The following MAD1L1 variants were observed in gnomAD, a reference collection of about 807,000 sequenced individuals.
MAD1L1 encodes mitotic arrest deficient 1 like 1.
Under a neutral mutation model 96.9 loss-of-function variants are expected in MAD1L1, and 95 were observed. The ratio of observed to expected loss-of-function variants is 0.98; its 90% CI spans 0.83 to 1.16. The LOEUF (loss-of-function observed/expected upper bound fraction) is 1.16, where lower values mean the gene tolerates loss of function less well. Ranked by LOEUF, MAD1L1 falls within the 50% of genes most tolerant of loss-of-function variation. MAD1L1 has a pLI of 0.00. For missense variants in MAD1L1, 1,007 were observed against 954.4 expected, an observed-to-expected ratio of 1.06 and a Z score of -0.73; for synonymous variants, 473 against 396.6, an observed-to-expected ratio of 1.19 and a Z score of -2.29.
intron 15 of MAD1L1, among the ~76,000 whole-genome samples, chr7:1,965,962 G>GCATCC (rs1449902076): frequency 6.6e-6 from 1 of 152,256 alleles, no homozygotes; most frequent in Non-Finnish European, 1.5e-5. Context: ...GAGTTGGGGG[G>GCATCC]CATCCCTGGG....
chr7:2,174,858 T>C (rs1451432315), intron 10 of MAD1L1, among the ~76,000 whole-genome samples: 1 of 152,246 alleles, frequency 6.6e-6, no homozygotes, highest in African/African-American at 2.4e-5. Flanking sequence ...TTTTTCTGTT[T>C]GCTTGGTCTA....
At chr7:1,838,934 G>T in intron 18 of MAD1L1, 3 of 429,530 alleles carry the variant, frequency 7.0e-6, no homozygotes, top group Non-Finnish European at 1.5e-5. Context: ...AGGACAGAGT[G>T]TGCAAAGACA....
intron 18 of MAD1L1, among the ~76,000 whole-genome samples, chr7:1,864,842 T>A (rs1784705777): frequency 6.6e-6 from 1 of 151,920 alleles, no homozygotes; most frequent in Admixed American, 6.6e-5. Flanking sequence ...ACACAACAGC[T>A]CCCCTCGACT....
rs146309617 is a variant in MAD1L1 at position 1,977,446 on chromosome 7, G to A, written c.1505+3007C>T. On this transcript the variant is annotated intron_variant, in intron 15 of 18. Transcript: ENST00000265854. ...CCAAGCCCACGCCCACCCAGAACTC[G>A]CACTGGCCTGTGAGCACCACGCACG... Among the ~76,000 whole-genome samples, 71 of 152,314 alleles carry A rather than the reference G, an allele frequency of 4.7e-4. No homozygotes were observed. In the South Asian group the frequency reaches 9.3e-3, roughly 20 times the overall value.
At chr7:1,842,601 G>A (rs1783334490) in intron 18 of MAD1L1, among the ~76,000 whole-genome samples, 1 of 152,266 alleles carries the variant, frequency 6.6e-6, no homozygotes, top group Non-Finnish European at 1.5e-5. Context: ...CCCCGGCGAG[G>A]GACAGACAGC....
At position 2,217,685 on chromosome 7, in the gene MAD1L1, C is replaced by T. The variant is rs151276878; in HGVS notation, c.678+277G>A. On this transcript the variant is annotated intron_variant, in intron 7 of 18. Coordinates refer to ENST00000265854, the MANE Select transcript of MAD1L1 (RefSeq NM_001013836.2). Reference sequence around the variant, plus strand: ...TCTCTATGCCTGTAGCATCTTCTCACGCTCATCAGCACTTGACGTCATCAC... The same window carrying T: ...TCTCTATGCCTGTAGCATCTTCTCATGCTCATCAGCACTTGACGTCATCAC... Among the ~76,000 whole-genome samples the T allele has an allele frequency of 1.7e-4, 26 of 152,352 alleles. No individual in the cohort carries two copies. The East Asian group carries it at 4.4e-3, about 26-fold the overall frequency.
intron 18 of MAD1L1, among the ~76,000 whole-genome samples, chr7:1,890,184 G>T (rs1280447015): frequency 6.6e-6 from 1 of 152,250 alleles, no homozygotes; most frequent in African/African-American, 2.4e-5. Context: ...CTCACCCCAG[G>T]ACCACGTGTT....
intron 11 of MAD1L1, among the ~76,000 whole-genome samples, chr7:2,081,215 G>A (rs1020411406): frequency 1.3e-5 from 2 of 152,152 alleles, no homozygotes; most frequent in African/African-American, 4.8e-5. Flanking sequence ...GAGGTGGGGA[G>A]GCTCTGAGCC....
intron 13 of MAD1L1, among the ~76,000 whole-genome samples, chr7:2,013,502 G>A (rs1782393604): frequency 1.3e-5 from 2 of 152,372 alleles, no homozygotes; most frequent in East Asian, 3.9e-4. Context: ...GACGCCCCCA[G>A]GCCTGGGTTT....
chr7:1,952,640 C>T (rs1239736324), intron 16 of MAD1L1, among the ~76,000 whole-genome samples: 2 of 152,164 alleles, frequency 1.3e-5, no homozygotes, highest in Non-Finnish European at 2.9e-5. Flanking sequence ...GCATGGAGTC[C>T]CATGGGCCCT....
At chr7:1,864,266 G>C (rs1784668233) in intron 18 of MAD1L1, among the ~76,000 whole-genome samples, 1 of 152,202 alleles carries the variant, frequency 6.6e-6, no homozygotes, top group South Asian at 2.1e-4. Context: ...TGAAGGAGGA[G>C]GGGAGGCGGC....
Position 1,848,242 on chromosome 7 carries a change from A to G in MAD1L1, c.1999-32014T>C, listed in dbSNP as rs537371967. Reference sequence around the variant, plus strand: ...CAAGCAAGCAGCCCGTGCTGGAAGCATCACCACCACCGGCCCCAGCAAAGG... The same window carrying G: ...CAAGCAAGCAGCCCGTGCTGGAAGCGTCACCACCACCGGCCCCAGCAAAGG... On this transcript the variant is annotated intron_variant, in intron 18 of 18. Transcript: ENST00000265854. 2.9e-5 allele frequency: 5 copies of G among 174,350 alleles called. No homozygotes were observed. The East Asian group carries it at 8.2e-4, about 29-fold the overall frequency. The allele number at this position is 174,350 out of a possible 1,614,324, so 10.8% of individuals were successfully genotyped here.
At chr7:2,068,872 C>T (rs1784998557) in intron 12 of MAD1L1, among the ~76,000 whole-genome samples, 1 of 152,210 alleles carries the variant, frequency 6.6e-6, no homozygotes, top group Non-Finnish European at 1.5e-5. Context: ...AGGGTGCTGA[C>T]TGCAAGGCAC....
At chr7:2,158,249 G>A (rs1789936067) in intron 10 of MAD1L1, among the ~76,000 whole-genome samples, 1 of 152,240 alleles carries the variant, frequency 6.6e-6, no homozygotes, top group Admixed American at 6.5e-5. Context: ...GGCGAGAGCA[G>A]CTCCAGCCCA....
chr7:2,043,686 A>C (rs1783793911), intron 12 of MAD1L1, among the ~76,000 whole-genome samples: 1 of 152,176 alleles, frequency 6.6e-6, no homozygotes, highest in African/African-American at 2.4e-5. Flanking sequence ...GTTTCCCACC[A>C]CAAACAGCCC....
At position 2,149,214 on chromosome 7, in the gene MAD1L1, G is replaced by A. The variant is rs369332624; in HGVS notation, c.1011C>T (p.Phe337=). ...GCTCCCTCTGCTGCAGCTCAACCAC[G>A]AATCTGGAAAGGTCTTCTGGAGTCC... ...SIRTPEDLSR[F]VVELQQRELA... The change falls in exon 11 of 19, where the codon TTC becomes TTT. Residue 337 remains phenylalanine, a synonymous_variant. Coordinates refer to ENST00000265854, the MANE Select transcript of MAD1L1 (RefSeq NM_001013836.2). 75 of 1,614,002 alleles carry A rather than the reference G, an allele frequency of 4.6e-5. No individual in the cohort carries two copies. The highest frequency in any genetic ancestry group is 1.6e-4 in the Middle Eastern group (1 of 6,062).
intron 15 of MAD1L1, among the ~76,000 whole-genome samples, chr7:1,975,560 T>C (rs1200005568): frequency 1.3e-5 from 2 of 152,196 alleles, no homozygotes; most frequent in South Asian, 2.1e-4. Flanking sequence ...GTTACCTCTA[T>C]GTAGTTTCAT....
At chr7:2,027,882 G>A (rs1297734453) in intron 12 of MAD1L1, among the ~76,000 whole-genome samples, 1 of 152,154 alleles carries the variant, frequency 6.6e-6, no homozygotes, top group African/African-American at 2.4e-5. Context: ...GGCATGAAAG[G>A]TACGAAGATC....
chr7:1,933,358 T>C (rs1333960669), intron 17 of MAD1L1, among the ~76,000 whole-genome samples: 1 of 152,154 alleles, frequency 6.6e-6, no homozygotes, highest in Non-Finnish European at 1.5e-5. Flanking sequence ...CAGGGAGGTC[T>C]TTCCACCATA....
Sources: allele counts gnomAD v4.1 joint callset (sites outside exome capture counted in the v4.1 genomes callset), GRCh38; gene constraint gnomAD v4.1.1; transcripts MANE v1.5; gene names NCBI Gene and HGNC (gene_info 2026-07-23, HGNC 2026-07-21).